The following STMN2 variants were observed in gnomAD, a reference collection of about 807,000 sequenced individuals.
STMN2 encodes stathmin 2.
STMN2 carries 2 observed loss-of-function variants against 24.1 expected under a neutral mutation model. That is an observed-to-expected ratio of 0.08 (90% confidence interval 0.03 to 0.26). The LOEUF is 0.26. Among genes scored for constraint, STMN2 ranks in the 10% least tolerant of loss-of-function variants. STMN2 has a pLI of 1.00. For synonymous variants in STMN2, 83 were observed against 77.5 expected (o/e 1.07, Z -0.37); for missense variants, 114 against 213.6 (o/e 0.53, Z 2.91).
At chr8:79,658,409 C>G (rs778214052) in intron 4 of STMN2, among the ~76,000 whole-genome samples, 1 of 152,152 alleles carries the variant, frequency 6.6e-6, no homozygotes, top group African/African-American at 2.4e-5. Context: ...TGCTTAGGAA[C>G]CTTTGTAATA....
chr8:79,654,961 T>C lies in STMN2; in HGVS notation c.379T>C (p.Phe127Leu). 6.2e-7 allele frequency: 1 copy of C among 1,613,988 alleles called. No individual in the cohort carries two copies. Residue 127 changes from phenylalanine (F) to leucine (L), a missense_variant, in exon 4 of 5, where the codon TTC becomes CTC. Physicochemically the swap from Phe to Leu is conservative, Grantham distance 22. Transcript: ENST00000220876. ...LQKALEENNN[F>L]SKMAEEKLIL... The stretch of plus-strand genomic sequence containing the variant: ...GAAGGCTTTGGAGGAGAACAACAAC[T>C]TCAGCAAGATGGCGGAGGAAAAGCT...
At chr8:79,630,351 A>C (rs539099467) in intron 1 of STMN2, among the ~76,000 whole-genome samples, 1 of 152,216 alleles carries the variant, frequency 6.6e-6, no homozygotes, top group African/African-American at 2.4e-5. Context: ...ATAATAGGCT[A>C]TCCACCCTTA....
intron 1 of STMN2, among the ~76,000 whole-genome samples, chr8:79,619,830 A>G (rs1809469345): frequency 6.6e-6 from 1 of 152,196 alleles, no homozygotes; most frequent in Non-Finnish European, 1.5e-5. Context: ...TTTTAATGAC[A>G]TATTACATGA....
intron 1 of STMN2, among the ~76,000 whole-genome samples, chr8:79,624,704 T>C (rs1189047322): frequency 6.6e-6 from 1 of 152,156 alleles, no homozygotes; most frequent in Non-Finnish European, 1.5e-5. Flanking sequence ...ACGGTGAGGA[T>C]AGCCAGCTAA....
chr8:79,635,822 A>G (rs1461714788), intron 1 of STMN2, among the ~76,000 whole-genome samples: 1 of 152,130 alleles, frequency 6.6e-6, no homozygotes, highest in Non-Finnish European at 1.5e-5. Flanking sequence ...GGGTGATGGG[A>G]TTTACACCCC....
intron 1 of STMN2, among the ~76,000 whole-genome samples, chr8:79,629,839 C>T (rs894775931): frequency 5.9e-5 from 9 of 152,160 alleles, no homozygotes; most frequent in African/African-American, 2.2e-4. Flanking sequence ...ATTTGTTTCA[C>T]AGTCGACGTT....
At chr8:79,627,759 C>A (rs1201893497) in intron 1 of STMN2, among the ~76,000 whole-genome samples, 1 of 152,078 alleles carries the variant, frequency 6.6e-6, no homozygotes, top group African/African-American at 2.4e-5. Context: ...GTATCCTTTA[C>A]CAATATCTCT....
chr8:79,630,167 C>T (rs536784042), intron 1 of STMN2, among the ~76,000 whole-genome samples: 150 of 152,280 alleles, frequency 9.9e-4, no homozygotes, highest in African/African-American at 3.4e-3. Context: ...CTCTAGGACT[C>T]CCTTTGAGTT....
chr8:79,611,284 T>G, intron 1 of STMN2, 70 bp downstream of exon 1: 6 of 1,579,670 alleles, frequency 3.8e-6, no homozygotes, highest in African/African-American at 2.7e-5. Context: ...TCTTGAGCTC[T>G]AGAAGCATTC....
chr8:79,652,131 A>G (rs536806010), intron 3 of STMN2, among the ~76,000 whole-genome samples: 2 of 152,220 alleles, frequency 1.3e-5, no homozygotes, highest in East Asian at 3.8e-4. Context: ...CACGGCACTT[A>G]GAGAATGTTG....
In STMN2 at chr8:79,611,152, G is replaced by C. The variant is rs1278009615; in HGVS notation, c.-44G>C. The C allele has an allele frequency of 6.2e-7, 1 of 1,613,598 alleles. No homozygotes were observed. Among genetic ancestry groups the C allele is most frequent in the African/African-American group, 1.3e-5 (1 of 74,898 alleles). On this transcript the variant is annotated 5_prime_UTR_variant, in exon 1 of 5. Transcript: ENST00000220876. ...CTCGCTCTCTCCGCTGCTGTAGCCGGACCCTTTGCCTTCGCCACTGCTCAG... is the reference window on the plus strand; with the variant it reads ...CTCGCTCTCTCCGCTGCTGTAGCCGCACCCTTTGCCTTCGCCACTGCTCAG...
At chr8:79,661,919 G>C (rs552099009) in intron 4 of STMN2, among the ~76,000 whole-genome samples, 1 of 152,098 alleles carries the variant, frequency 6.6e-6, no homozygotes, top group African/African-American at 2.4e-5. Context: ...TAAAAAGAAG[G>C]ATTTTTGATG....
chr8:79,641,517 G>A lies in STMN2; in HGVS notation c.255G>A (p.Gln85=). The A allele has an allele frequency of 6.2e-7, 1 of 1,613,772 alleles. No homozygotes were observed. Among genetic ancestry groups the A allele is most frequent in the Non-Finnish European group, 8.5e-7 (1 of 1,179,924 alleles). ...KKKDLSLEEI[Q]KKLEAAEERR... ...AAGACCTGTCCCTGGAGGAGATCCA[G>A]AAGAAACTGGAGGCTGCAGAGGAAA... Residue 85 remains glutamine, a synonymous_variant, in exon 3 of 5, where the codon CAG becomes CAA. Coordinates refer to ENST00000220876, the MANE Select transcript of STMN2 (RefSeq NM_007029.4).
At chr8:79,621,349 A>T (rs1436244087) in intron 1 of STMN2, among the ~76,000 whole-genome samples, 2 of 152,226 alleles carry the variant, frequency 1.3e-5, no homozygotes, top group East Asian at 3.8e-4. Context: ...AGATATAAAT[A>T]CCCATGTGCA....
At chr8:79,613,189 C>T (rs949981506) in intron 1 of STMN2, among the ~76,000 whole-genome samples, 2 of 145,356 alleles carry the variant, frequency 1.4e-5, no homozygotes, top group African/African-American at 5.0e-5. Context: ...CTATGATTTT[C>T]CAGAATGGAG....
intron 4 of STMN2, among the ~76,000 whole-genome samples, chr8:79,656,433 T>C (rs79009179): frequency 0.03 from 4,512 of 152,310 alleles, 102 homozygotes; most frequent in East Asian, 0.097. Flanking sequence ...GTGAGTCAAG[T>C]CACGATTTGG....
intron 3 of STMN2, among the ~76,000 whole-genome samples, chr8:79,645,636 G>A (rs1377226121): frequency 2.0e-5 from 3 of 152,122 alleles, no homozygotes; most frequent in African/African-American, 7.2e-5. Context: ...TCCATTCTAT[G>A]GTTTTAGTCT....
intron 4 of STMN2, chr8:79,663,745 G>C: frequency 8.7e-7 from 1 of 1,143,528 alleles, no homozygotes; most frequent in Non-Finnish European, 1.2e-6. Flanking sequence ...TTTATTTAGC[G>C]CCTATGATAT....
intron 2 of STMN2, 74 bp from the exon 3 acceptor site, chr8:79,641,304 G>A: frequency 1.3e-6 from 2 of 1,496,214 alleles, no homozygotes; most frequent in Non-Finnish European, 1.8e-6. Context: ...TCCAATTGCT[G>A]GAATCTAAAT....
Sources: allele counts gnomAD v4.1 joint callset (sites outside exome capture counted in the v4.1 genomes callset), GRCh38; gene constraint gnomAD v4.1.1; transcripts MANE v1.5; gene names NCBI Gene and HGNC (gene_info 2026-07-23, HGNC 2026-07-21).